The following SYCE1L variants were observed in gnomAD, a reference collection of about 807,000 sequenced individuals.
SYCE1L encodes synaptonemal complex central element protein 1-like.
Under a neutral mutation model 39.6 loss-of-function variants are expected in SYCE1L, and 51 were observed. The ratio of observed to expected loss-of-function variants is 1.29; its 90% CI spans 1.03 to 1.63. The LOEUF is 1.63. Ranked by LOEUF, SYCE1L falls within the 40% of genes most tolerant of loss-of-function variation. The probability of loss-of-function intolerance (pLI) is 0.00; values close to 1 mark genes in which losing one functional copy is unlikely to be tolerated. For missense variants in SYCE1L, 426 were observed against 304.9 expected, an observed-to-expected ratio of 1.40 and a Z score of -2.96; for synonymous variants, 147 against 122.4, an observed-to-expected ratio of 1.20 and a Z score of -1.33.
chr16:77,200,135 G>C (rs991525396), intron 1 of SYCE1L: 2 of 150,900 alleles, frequency 1.3e-5, no homozygotes, highest in African/African-American at 4.9e-5. Context: ...TTCGAGGCCA[G>C]CCTGACCAAC....
At chr16:77,209,550 C>G in intron 6 of SYCE1L, 79 bp downstream of exon 6, 1 of 1,476,190 alleles carries the variant, frequency 6.8e-7, no homozygotes, top group South Asian at 1.2e-5. Context: ...GGAAATGAAT[C>G]TTGGACACAG....
At chr16:77,206,048 A>T (rs2054783731) in intron 1 of SYCE1L, among the ~76,000 whole-genome samples, 1 of 152,240 alleles carries the variant, frequency 6.6e-6, no homozygotes, top group African/African-American at 2.4e-5. Flanking sequence ...TTAAGAATTT[A>T]TAAATTATGA....
At position 77,199,512 on chromosome 16, in the gene SYCE1L, G is replaced by A. The variant is rs199890788; in HGVS notation, c.61G>A (p.Gly21Arg). 432 of 1,551,158 alleles carry A rather than the reference G, an allele frequency of 2.8e-4. 2 individuals are homozygous for A. Among genetic ancestry groups the A allele is most frequent in the South Asian group, 7.7e-4 (65 of 84,050 alleles). ...GCCAGAAGCTACTGAGGAGGCTGAA[G>A]GTAGTGAGGGCAAGTGGGCTGCACT... ...EAPEATEEAE[G>R]QAKSLKTEDL... Residue 21 changes from glycine (G) to arginine (R), a missense_variant and splice_region_variant, in exon 1 of 11, where the codon GGG becomes AGG. Transcript: ENST00000378644.
At chr16:77,200,272 G>GTATATATATATATATATATACATA in intron 1 of SYCE1L, 1 of 84,654 alleles carries the variant, frequency 1.2e-5, no homozygotes, top group East Asian at 3.3e-4. Flanking sequence ...ATATATATAT[G>GTATATATATATATATATATACATA]TGTATATATA....
chr16:77,211,365 C>G, intron 7 of SYCE1L, 89 bp downstream of exon 7: 2 of 1,427,118 alleles, frequency 1.4e-6, no homozygotes, highest in Non-Finnish European at 1.9e-6. Context: ...CCTGCCCAGG[C>G]TCAATGCCGC....
At chr16:77,203,888 C>G (rs1234046809) in intron 1 of SYCE1L, among the ~76,000 whole-genome samples, 1 of 152,044 alleles carries the variant, frequency 6.6e-6, no homozygotes, top group African/African-American at 2.4e-5. Context: ...AGCCACTGCA[C>G]CCGGCCGTTA....
chr16:77,211,287 A>T lies in SYCE1L; in HGVS notation c.423+11A>T, dbSNP rs893468142. On this transcript the variant is annotated intron_variant, in intron 7 of 10. Coordinates refer to ENST00000378644, the MANE Select transcript of SYCE1L (RefSeq NM_001129979.3). ...CTCTGGGAATTCCACGTGAGCCATT[A>T]TCATTGCCTGCAACCAAAGCCACTC... 9.7e-6 allele frequency: 15 copies of T among 1,551,880 alleles called. No individual in the cohort carries two copies. The highest frequency in any genetic ancestry group is 1.0e-5 in the Non-Finnish European group (12 of 1,147,012).
At chr16:77,201,408 C>T (rs1427356303) in intron 1 of SYCE1L, 1 of 152,152 alleles carries the variant, frequency 6.6e-6, no homozygotes, top group African/African-American at 2.4e-5. Context: ...AAGGATGTAT[C>T]AAGTTGCCAT....
chr16:77,200,097 C>G (rs966093760), intron 1 of SYCE1L: 1 of 150,858 alleles, frequency 6.6e-6, no homozygotes, highest in African/African-American at 2.4e-5. Flanking sequence ...TTTGGGAGGC[C>G]GAGGCGGGCG....
intron 6 of SYCE1L, 72 bp from the exon 7 acceptor site, chr16:77,211,141 T>A (rs544471299): frequency 6.6e-7 from 1 of 1,503,986 alleles, no homozygotes; most frequent in Admixed American, 2.0e-5. Flanking sequence ...TCTGAAGGCC[T>A]GTGCATGAGG....
intron 1 of SYCE1L, chr16:77,201,843 A>G (rs181193867): frequency 1.3e-5 from 2 of 152,340 alleles, no homozygotes; most frequent in Admixed American, 1.3e-4. Flanking sequence ...TGATAGGATT[A>G]TTATTGACAC....
chr16:77,212,985 A>T lies in SYCE1L; in HGVS notation c.*54A>T. On this transcript the variant is annotated 3_prime_UTR_variant, in exon 11 of 11. Transcript: ENST00000378644. Reference sequence around the variant, plus strand: ...TCCCTCGAGACCCGCCAAGAAATAAAGGCGATGATTTCCGACCATGCTCGC... The same window carrying T: ...TCCCTCGAGACCCGCCAAGAAATAATGGCGATGATTTCCGACCATGCTCGC... 4.9e-6 allele frequency: 7 copies of T among 1,430,016 alleles called. No individual in the cohort carries two copies. Among genetic ancestry groups the T allele is most frequent in the Non-Finnish European group, 4.6e-6 (5 of 1,080,214 alleles). The allele number at this position is 1,430,016 out of a possible 1,614,324, so 88.6% of individuals were successfully genotyped here.
At chr16:77,212,800 C>G (rs2054835111) in intron 10 of SYCE1L, 57 bp from the exon 11 acceptor site, 5 of 1,431,432 alleles carry the variant, frequency 3.5e-6, no homozygotes, top group Non-Finnish European at 4.6e-6. Context: ...AGGGCAGACG[C>G]GGGCGGACGC....
At chr16:77,205,659 C>G (rs1310537056) in intron 1 of SYCE1L, among the ~76,000 whole-genome samples, 1 of 152,042 alleles carries the variant, frequency 6.6e-6, no homozygotes, top group Admixed American at 6.6e-5. Context: ...AGCACATCCC[C>G]AGTGGTGTCA....
At position 77,206,431 on chromosome 16, in the gene SYCE1L, C is replaced by A; in HGVS notation, c.62-10C>A. 2.6e-6 allele frequency: 4 copies of A among 1,551,252 alleles called. No individual in the cohort carries two copies. Among genetic ancestry groups the A allele is most frequent in the Non-Finnish European group, 3.5e-6 (4 of 1,146,824 alleles). On this transcript the variant is annotated splice_polypyrimidine_tract_variant and intron_variant, in intron 1 of 10. Transcript: ENST00000378644. Reference sequence around the variant, plus strand: ...GCTGTGTCCTGTAATTTTGATTTTCCTTTCTACAGGGCAAGCCAAGTCTTT... The same window carrying A: ...GCTGTGTCCTGTAATTTTGATTTTCATTTCTACAGGGCAAGCCAAGTCTTT...
At chr16:77,202,430 A>G (rs752441359) in intron 1 of SYCE1L, 7 of 151,912 alleles carry the variant, frequency 4.6e-5, no homozygotes, top group Admixed American at 3.3e-4. Context: ...TTCTTTTGTA[A>G]TGGACTTTGT....
At position 77,212,596 on chromosome 16, in the gene SYCE1L, T is replaced by C. The variant is rs913078595; in HGVS notation, c.604T>C (p.Phe202Leu). ...CAGGCTGAAGGCGGAGCTGGAGATATTCGGGGAGCAGGTCCGGAGCGCCCC... is the reference window on the plus strand; with the variant it reads ...CAGGCTGAAGGCGGAGCTGGAGATACTCGGGGAGCAGGTCCGGAGCGCCCC... Reference protein sequence around the residue: ...NDGLKAELEIFGEQVRSAPEV... With the variant: ...NDGLKAELEILGEQVRSAPEV... The change falls in exon 10 of 11, where the codon TTC (phenylalanine) becomes CTC (leucine). Residue 202 changes from phenylalanine (F) to leucine (L), a missense_variant. Coordinates refer to ENST00000378644, the MANE Select transcript of SYCE1L (RefSeq NM_001129979.3). 9 of 1,535,832 alleles carry C rather than the reference T, an allele frequency of 5.9e-6. No homozygotes were observed. Among genetic ancestry groups the C allele is most frequent in the Non-Finnish European group, 7.0e-6 (8 of 1,146,386 alleles).
intron 1 of SYCE1L, chr16:77,200,188 A>C (rs898042069): frequency 6.7e-6 from 1 of 149,516 alleles, no homozygotes; most frequent in Non-Finnish European, 1.5e-5. Context: ...ATATACATAT[A>C]CATATGTGTG....
intron 5 of SYCE1L, 128 bp from the exon 6 acceptor site, chr16:77,209,289 C>T: frequency 1.5e-6 from 2 of 1,335,476 alleles, no homozygotes; most frequent in South Asian, 1.3e-5. Flanking sequence ...ATTGCTACAT[C>T]ACTTGGAGTA....
Sources: allele counts gnomAD v4.1 joint callset (sites outside exome capture counted in the v4.1 genomes callset), GRCh38; gene constraint gnomAD v4.1.1; transcripts MANE v1.5; gene names NCBI Gene and HGNC (gene_info 2026-07-23, HGNC 2026-07-21).